Variants in ARID3A observed in about 807,000 individuals in gnomAD.
ARID3A encodes AT-rich interactive domain-containing protein 3A.
ARID3A carries 11 observed loss-of-function variants against 52.7 expected under a neutral mutation model. That is an observed-to-expected ratio of 0.21 (90% CI 0.13 to 0.35). ARID3A has a LOEUF of 0.35. Ranked by LOEUF, ARID3A falls within the 10% of genes least tolerant of loss-of-function variation. The pLI is 1.00. For missense variants in ARID3A, 721 were observed against 838.5 expected (o/e 0.86, Z 1.73); for synonymous variants, 404 against 359.4 (o/e 1.12, Z -1.40).
rs1194143082 is a variant in ARID3A, at chr19:941,034, C to CGGGTCACCGCCGCG, written c.693+8306_693+8319dup. Among the ~76,000 whole-genome samples, 1 of 152,062 alleles carries CGGGTCACCGCCGCG rather than the reference C, an allele frequency of 6.6e-6. No homozygotes were observed. Among genetic ancestry groups the CGGGTCACCGCCGCG allele is most frequent in the Non-Finnish European group, 1.5e-5 (1 of 67,964 alleles). ...GGCCCCTGCGCCACCGCCTGGCCGTCGGGTCACCGCCGCGGGGTCACCGCC... is the reference window on the plus strand; with the variant it reads ...GGCCCCTGCGCCACCGCCTGGCCGTCGGGTCACCGCCGCGGGGTCACCGCCGCGGGGTCACCGCC... On this transcript the variant is annotated intron_variant, in intron 3 of 8. Coordinates refer to ENST00000263620, the MANE Select transcript of ARID3A (RefSeq NM_005224.3). This position sits in a 1 kb window ranked among gnomAD's most constrained non-coding sequence, Gnocchi z 6.9.
intron 2 of ARID3A, among the ~76,000 whole-genome samples, chr19:930,237 T>C (rs12608670): frequency 0.88 from 133,969 of 151,876 alleles, 59,290 homozygotes; most frequent in East Asian, 1. Context: ...ATGACAGAGA[T>C]AGACCCAGTC....
rs138458754 is a variant in ARID3A, at chr19:959,336, C to T, written c.694-756C>T. On this transcript the variant is annotated intron_variant, in intron 3 of 8. Transcript: ENST00000263620. The surrounding 1 kb of genome is among the most constrained non-coding windows in gnomAD (Gnocchi z 5.0). ...TCGCCCAGGCTGGAGTGCAGTGGTG[C>T]GGTCTCGGCTCACTTCAGCCTCCAC... Among the ~76,000 whole-genome samples, 766 of 152,190 alleles carry T rather than the reference C, an allele frequency of 5.0e-3. 9 individuals carry two copies. The highest frequency in any genetic ancestry group is 0.017 in the African/African-American group (725 of 41,532).
In ARID3A at chr19:959,053, G is replaced by A. The variant is rs1040076141; in HGVS notation, c.694-1039G>A. Among the ~76,000 whole-genome samples, 15 of 152,182 alleles carry A rather than the reference G, an allele frequency of 9.9e-5. No homozygotes were observed. Among genetic ancestry groups the A allele is most frequent in the African/African-American group, 3.1e-4 (13 of 41,436 alleles). ...GGCTGTGCCTGTGCCTGGGTGTGTGGGAGGCTCCACCCGTGAGGTGTGTGT... is the reference window on the plus strand; with the variant it reads ...GGCTGTGCCTGTGCCTGGGTGTGTGAGAGGCTCCACCCGTGAGGTGTGTGT... On this transcript the variant is annotated intron_variant, in intron 3 of 8. Transcript: ENST00000263620. This position sits in a 1 kb window ranked among gnomAD's most constrained non-coding sequence, Gnocchi z 5.0.
Position 966,807 on chromosome 19 carries a change from C to T in ARID3A, c.1434C>T (p.Leu478=). The stretch of plus-strand genomic sequence containing the variant: ...AGCAACGGCTGATGCAACGTGCACT[C>T]CAGCAGAACTTCCTGGCCATGGCGG... The part of the protein sequence containing the change: ...DEQQRLMQRA[L]QQNFLAMAAQ... The change falls in exon 7 of 9, where the codon CTC becomes CTT. Residue 478 remains leucine (L), a synonymous_variant. Transcript: ENST00000263620. The T allele has an allele frequency of 1.2e-6, 2 of 1,613,618 alleles. No individual in the cohort carries two copies. Among genetic ancestry groups the T allele is most frequent in the Non-Finnish European group, 1.7e-6 (2 of 1,179,938 alleles).
At chr19:970,701 C>G (rs1490130071) in intron 8 of ARID3A, among the ~76,000 whole-genome samples, 2 of 151,850 alleles carry the variant, frequency 1.3e-5, no homozygotes, top group African/African-American at 2.4e-5. Flanking sequence ...TCTCGAACTC[C>G]TGACTTCGTG....
chr19:963,124 G>T (rs2038077929), intron 4 of ARID3A, among the ~76,000 whole-genome samples: 1 of 152,162 alleles, frequency 6.6e-6, no homozygotes, highest in Non-Finnish European at 1.5e-5. Flanking sequence ...CCTCGACCAG[G>T]CAGAGGGCCG....
chr19:943,012 T>C (rs1356674048), intron 3 of ARID3A, among the ~76,000 whole-genome samples: 2 of 152,172 alleles, frequency 1.3e-5, no homozygotes, highest in African/African-American at 4.8e-5. Flanking sequence ...GTCACACCTG[T>C]GATCCCCGCG....
At chr19:933,459 C>A (rs1261053224) in intron 3 of ARID3A, among the ~76,000 whole-genome samples, 2 of 152,200 alleles carry the variant, frequency 1.3e-5, no homozygotes, top group Non-Finnish European at 2.9e-5. Flanking sequence ...GCTCACATTC[C>A]AGCCCTCGTC....
At chr19:965,253 TCCATCA>T in intron 6 of ARID3A, 173 bp downstream of exon 6, 2 of 722,810 alleles carry the variant, frequency 2.8e-6, no homozygotes, top group Non-Finnish European at 4.3e-6. Context: ...ACATTACCAA[TCCATCA>T]CCATTTTCTA....
intron 3 of ARID3A, among the ~76,000 whole-genome samples, chr19:936,301 C>T (rs2037438112): frequency 6.6e-6 from 1 of 152,182 alleles, no homozygotes; most frequent in African/African-American, 2.4e-5. Flanking sequence ...ACCTGTGATC[C>T]CGGCACTGTG....
rs1041884163 is a variant in ARID3A at position 935,459 on chromosome 19, G to A, written c.693+2717G>A. ...ACAGCAGGCCCAGCTTCTAGAAAGC[G>A]GCCACGGTAGGATTTTATTGGATTA... On this transcript the variant is annotated intron_variant, in intron 3 of 8. Coordinates refer to ENST00000263620, the MANE Select transcript of ARID3A (RefSeq NM_005224.3). 5.9e-5 allele frequency among the ~76,000 whole-genome samples: 9 copies of A among 152,246 alleles called. No individual in the cohort carries two copies. In the East Asian group the frequency reaches 9.7e-4, roughly 16 times the overall value.
At chr19:940,353 T>C (rs893297408) in intron 3 of ARID3A, among the ~76,000 whole-genome samples, 1 of 151,756 alleles carries the variant, frequency 6.6e-6, no homozygotes, top group African/African-American at 2.4e-5. Flanking sequence ...GCGTTTGCAC[T>C]GGGCCGCATT....
chr19:962,908 C>G (rs764124846), intron 4 of ARID3A, among the ~76,000 whole-genome samples: 8 of 152,172 alleles, frequency 5.3e-5, no homozygotes, highest in Non-Finnish European at 1.2e-4. Context: ...CCGGGCCGAT[C>G]CTGCAGCTGA....
In ARID3A at chr19:957,184, T is replaced by G. The variant is rs562878289; in HGVS notation, c.694-2908T>G. Among the ~76,000 whole-genome samples the G allele has an allele frequency of 1.3e-4, 20 of 151,820 alleles. No homozygotes were observed. In the East Asian group the frequency reaches 3.9e-3, roughly 30 times the overall value. On this transcript the variant is annotated intron_variant, in intron 3 of 8. Coordinates refer to ENST00000263620, the MANE Select transcript of ARID3A (RefSeq NM_005224.3). The stretch of plus-strand genomic sequence containing the variant: ...GAGCCTCTTTCCCCTCTGGAAGACG[T>G]TCCGGGGCCTGGTGATCTTCTTCCT...
intron 3 of ARID3A, among the ~76,000 whole-genome samples, chr19:935,655 G>GA (rs1304199810): frequency 6.6e-6 from 1 of 151,992 alleles, no homozygotes; most frequent in Non-Finnish European, 1.5e-5. Context: ...TTTTTGTAGA[G>GA]ACGGGGTCTT....
In ARID3A at chr19:959,253, C is replaced by T. The variant is rs922866022; in HGVS notation, c.694-839C>T. 2.0e-5 allele frequency among the ~76,000 whole-genome samples: 3 copies of T among 152,160 alleles called. No homozygotes were observed. The highest frequency in any genetic ancestry group is 2.1e-4 in the South Asian group (1 of 4,834). On this transcript the variant is annotated intron_variant, in intron 3 of 8. Transcript: ENST00000263620. The surrounding 1 kb of genome is among the most constrained non-coding windows in gnomAD (Gnocchi z 5.0). The stretch of plus-strand genomic sequence containing the variant: ...CCTCCCTTGGAGACTTCGGAGGGAA[C>T]GCAACCCTGCAGACATCTTTTGTTT...
At position 944,874 on chromosome 19, in the gene ARID3A, C is replaced by T. The variant is rs541447969; in HGVS notation, c.693+12132C>T. Among the ~76,000 whole-genome samples the T allele has an allele frequency of 2.6e-5, 4 of 152,362 alleles. No individual in the cohort carries two copies. The South Asian group carries it at 8.3e-4, about 32-fold the overall frequency. On this transcript the variant is annotated intron_variant, in intron 3 of 8. Transcript: ENST00000263620. This position sits in a 1 kb window ranked among gnomAD's most constrained non-coding sequence, Gnocchi z 5.9. ...AGCTCTTAGGGGAGCCGGGATGTCC[C>T]TGGGTCCTGCGGTCGCTCTCTGTCT... is the stretch of plus-strand genomic sequence containing the variant.
In ARID3A at chr19:966,700, G is replaced by A. The variant is rs778870269; in HGVS notation, c.1327G>A (p.Ala443Thr). The A allele has an allele frequency of 1.9e-6, 3 of 1,611,686 alleles. No homozygotes were observed. The highest frequency in any genetic ancestry group is 2.7e-5 in the African/African-American group (2 of 74,910). Residue 443 changes from alanine (A) to threonine (T), a missense_variant, in exon 7 of 9, where the codon GCA becomes ACA. By Grantham distance (58) the Ala-to-Thr change is moderately conservative. Transcript: ENST00000263620. The stretch of plus-strand genomic sequence containing the variant: ...CGCCCAAGCAGCTGTGGCCGCACAG[G>A]CAGCTGCCCTGGAACAGCTGCGGGA... ...AAAQAAVAAQ[A>T]AALEQLREKL...
chr19:964,823 C>G lies in ARID3A; in HGVS notation c.951-10C>G. 1 of 1,608,754 alleles carries G rather than the reference C, an allele frequency of 6.2e-7. No individual in the cohort carries two copies. ...CCGGGTGCCATCCTCTTCCCTCGTC[C>G]CACCCACAGATACATGAAGTACCTG... On this transcript the variant is annotated splice_polypyrimidine_tract_variant and intron_variant, in intron 5 of 8. Coordinates refer to ENST00000263620, the MANE Select transcript of ARID3A (RefSeq NM_005224.3). The surrounding 1 kb of genome is among the most constrained non-coding windows in gnomAD (Gnocchi z 5.7).
Sources: gnomAD v4.1 joint callset for allele counts (sites outside exome capture counted in the v4.1 genomes callset) on GRCh38, gnomAD v4.1.1 for gene constraint, Gnocchi (gnomAD v3.1) non-coding constraint, MANE v1.5 for transcripts, NCBI Gene and HGNC (gene_info 2026-07-23, HGNC 2026-07-21) for gene names.